Variants in SATB2 observed in about 807,000 individuals in gnomAD.
SATB2 encodes SATB homeobox 2.
In SATB2, 1 loss-of-function variant was observed where a neutral mutation model predicts 73.4. That is an observed-to-expected ratio of 0.01 (90% confidence interval 0.00 to 0.06). The LOEUF (loss-of-function observed/expected upper bound fraction) is 0.06, where lower values mean the gene tolerates loss of function less well. Ranked by LOEUF, SATB2 falls within the 10% of genes least tolerant of loss-of-function variation. The pLI is 1.00. For missense variants in SATB2, 459 were observed against 945.8 expected (o/e 0.49, Z 6.75); for synonymous variants, 397 against 367.0 (o/e 1.08, Z -0.93).
chr2:199,394,172 T>C (rs1406981365), intron 3 of SATB2, among the ~76,000 whole-genome samples: 1 of 152,228 alleles, frequency 6.6e-6, no homozygotes, highest in Non-Finnish European at 1.5e-5. Flanking sequence ...TTTATATACC[T>C]GCACAAATAA....
chr2:199,351,055 C>A (rs1407618295), intron 6 of SATB2, among the ~76,000 whole-genome samples: 1 of 150,430 alleles, frequency 6.6e-6, no homozygotes, highest in Non-Finnish European at 1.5e-5. Flanking sequence ...AAAAGAAAAC[C>A]CGATTTCTTG....
chr2:199,365,427 C>T (rs779178451), intron 6 of SATB2, among the ~76,000 whole-genome samples: 6 of 152,106 alleles, frequency 3.9e-5, no homozygotes, highest in Non-Finnish European at 7.4e-5. Context: ...AGAGTATACA[C>T]ACTGTCTCCC....
chr2:199,418,777 CCT>C (rs1415650655), intron 3 of SATB2, among the ~76,000 whole-genome samples: 1 of 152,126 alleles, frequency 6.6e-6, no homozygotes, highest in Non-Finnish European at 1.5e-5. Flanking sequence ...AATAATGCCC[CCT>C]GTGTGTGAGA....
At chr2:199,312,738 C>G (rs904136819) in intron 9 of SATB2, among the ~76,000 whole-genome samples, 5 of 152,088 alleles carry the variant, frequency 3.3e-5, no homozygotes, top group African/African-American at 1.2e-4. Context: ...ACAAAGTGGT[C>G]AAGGTCAAAT....
rs375839625 is a variant in SATB2 at position 199,328,905 on chromosome 2, C to T, written c.1179G>A (p.Leu393=). The T allele has an allele frequency of 3.7e-6, 6 of 1,613,144 alleles. No individual in the cohort carries two copies. The African/African-American group carries it at 5.3e-5, about 14-fold the overall frequency. ...CTTCCTTACGCAGAATCTCAGACAA[C>T]AATCCCTGATTAAATGGGGGAAAAA... ...ARVAFNRTQG[L]LSEILRKEED... Residue 393 remains leucine (L), a synonymous_variant, in exon 8 of 11, where the codon TTG becomes TTA. Coordinates refer to ENST00000417098, the MANE Select transcript of SATB2 (RefSeq NM_001172509.2).
upstream of SATB2, chr2:199,458,134 A>T (rs1267831897): frequency 1.3e-5 from 1 of 79,078 alleles, no homozygotes; most frequent in Non-Finnish European, 2.3e-5. Flanking sequence ...TTATTTCGGG[A>T]TGGGGGTGGG....
intron 9 of SATB2, among the ~76,000 whole-genome samples, chr2:199,321,115 A>G (rs1275613425): frequency 6.6e-6 from 1 of 152,048 alleles, no homozygotes; most frequent in Non-Finnish European, 1.5e-5. Flanking sequence ...GAAGAGAAAA[A>G]TCTTTGTTCC....
chr2:199,398,842 T>G (rs1432033152), intron 3 of SATB2, among the ~76,000 whole-genome samples: 1 of 152,170 alleles, frequency 6.6e-6, no homozygotes, highest in Non-Finnish European at 1.5e-5. Context: ...AAATAAAGAC[T>G]CACAGAATGA....
intron 10 of SATB2, among the ~76,000 whole-genome samples, chr2:199,300,661 A>G (rs2105756920): frequency 6.6e-6 from 1 of 152,290 alleles, no homozygotes; most frequent in Admixed American, 6.5e-5. Flanking sequence ...AGCATTGGAC[A>G]AAGTGCCTTC....
intron 3 of SATB2, among the ~76,000 whole-genome samples, chr2:199,386,149 A>G (rs1335157139): frequency 6.6e-6 from 1 of 152,176 alleles, no homozygotes; most frequent in Non-Finnish European, 1.5e-5. Context: ...GAAGCAATTC[A>G]TATTTCTGAT....
intron 3 of SATB2, among the ~76,000 whole-genome samples, chr2:199,413,936 C>T (rs1030252553): frequency 6.6e-6 from 1 of 152,198 alleles, no homozygotes; most frequent in Non-Finnish European, 1.5e-5. Flanking sequence ...GTTTCTGCTA[C>T]ATATAGTCAC....
chr2:199,339,110 T>A (rs922591272), intron 7 of SATB2, among the ~76,000 whole-genome samples: 7 of 152,078 alleles, frequency 4.6e-5, no homozygotes, highest in African/African-American at 1.7e-4. Flanking sequence ...TAAATTAGCC[T>A]TCTCTATAGG....
intron 9 of SATB2, among the ~76,000 whole-genome samples, chr2:199,309,619 T>A (rs897170059): frequency 1.3e-4 from 20 of 152,186 alleles, no homozygotes; most frequent in Admixed American, 1.2e-3. Context: ...AAATCTGGCA[T>A]CCGGATGTTC....
upstream of SATB2, chr2:199,458,785 C>T (rs1378022912): frequency 3.4e-5 from 13 of 383,922 alleles, no homozygotes; most frequent in East Asian, 4.0e-4. Flanking sequence ...CCCACCGCCT[C>T]CGCCCCTCCG....
intron 3 of SATB2, among the ~76,000 whole-genome samples, chr2:199,408,289 A>G (rs1690697617): frequency 6.6e-6 from 1 of 152,170 alleles, no homozygotes. Flanking sequence ...TATAAAACGG[A>G]ATAAGAATGT....
intron 10 of SATB2, among the ~76,000 whole-genome samples, chr2:199,278,373 C>T (rs184421541): frequency 1.6e-4 from 24 of 152,302 alleles, no homozygotes; most frequent in African/African-American, 4.1e-4. Flanking sequence ...AACAAACAAA[C>T]GTTCACTCAG....
intron 3 of SATB2, among the ~76,000 whole-genome samples, chr2:199,406,093 CAGG>C (rs1361539852): frequency 1.3e-5 from 2 of 151,972 alleles, no homozygotes; most frequent in Non-Finnish European, 2.9e-5. Flanking sequence ...TTAAAGTATA[CAGG>C]AGGAGGTGAG....
At chr2:199,427,059 G>A (rs933066695) in intron 3 of SATB2, among the ~76,000 whole-genome samples, 4 of 152,000 alleles carry the variant, frequency 2.6e-5, no homozygotes, top group Non-Finnish European at 4.4e-5. Flanking sequence ...TGTATTTTTA[G>A]TAGAGACGGG....
chr2:199,404,679 G>T (rs1291645890), intron 3 of SATB2, among the ~76,000 whole-genome samples: 1 of 151,754 alleles, frequency 6.6e-6, no homozygotes, highest in Admixed American at 6.6e-5. Context: ...TAAACCAAAG[G>T]CTGTTAAAAA....
Sources: allele counts gnomAD v4.1 joint callset (sites outside exome capture counted in the v4.1 genomes callset), GRCh38; gene constraint gnomAD v4.1.1; transcripts MANE v1.5; gene names NCBI Gene and HGNC (gene_info 2026-07-23, HGNC 2026-07-21).